The following MSRA variants were observed in gnomAD, a reference collection of about 807,000 sequenced individuals.
MSRA encodes mitochondrial peptide methionine sulfoxide reductase.
In MSRA, 54 loss-of-function variants were observed where a neutral mutation model predicts 31.3. That is an observed-to-expected ratio of 1.73 (90% confidence interval 1.39 to 2.17). The LOEUF (loss-of-function observed/expected upper bound fraction) is 2.17, where lower values mean the gene tolerates loss of function less well. Ranked by LOEUF, MSRA falls within the 30% of genes most tolerant of loss-of-function variation. The pLI is 0.00. For synonymous variants in MSRA, 169 were observed against 116.5 expected, an observed-to-expected ratio of 1.45 and a Z score of -2.90; for missense variants, 507 against 300.9, an observed-to-expected ratio of 1.69 and a Z score of -5.07.
chr8:10,057,550 T>C (rs1802449588), intron 1 of MSRA, among the ~76,000 whole-genome samples: 1 of 152,198 alleles, frequency 6.6e-6, no homozygotes, highest in Non-Finnish European at 1.5e-5. Context: ...TTTGGTTTTG[T>C]GTCCTCACGT....
intron 1 of MSRA, among the ~76,000 whole-genome samples, chr8:10,128,640 A>G (rs894511577): frequency 6.6e-6 from 1 of 152,166 alleles, no homozygotes; most frequent in South Asian, 2.1e-4. Context: ...TGTGCACTTC[A>G]TGAGGGTGAT....
intron 1 of MSRA, among the ~76,000 whole-genome samples, chr8:10,190,183 T>C (rs1420952393): frequency 2.0e-5 from 3 of 152,152 alleles, no homozygotes; most frequent in Non-Finnish European, 2.9e-5. Context: ...AGGAAGTCTC[T>C]CTTGCCATTT....
intron 5 of MSRA, among the ~76,000 whole-genome samples, chr8:10,334,444 G>A (rs1215738581): frequency 2.0e-5 from 3 of 151,974 alleles, no homozygotes; most frequent in African/African-American, 4.8e-5. Context: ...GGGCGGGGGG[G>A]AGGTGCAGGG....
intron 5 of MSRA, among the ~76,000 whole-genome samples, chr8:10,341,263 A>G (rs56028519): frequency 0.18 from 26,697 of 152,190 alleles, 3,157 homozygotes; most frequent in Non-Finnish European, 0.26. Context: ...CTCGGCTCCT[A>G]GGGAGGCCTC....
chr8:10,398,933 A>G (rs1052724417), intron 5 of MSRA, among the ~76,000 whole-genome samples: 13 of 152,330 alleles, frequency 8.5e-5, no homozygotes, highest in African/African-American at 2.6e-4. Flanking sequence ...AGAAGCCCCT[A>G]TCGAGAGAGG....
intron 1 of MSRA, among the ~76,000 whole-genome samples, chr8:10,056,198 CAAAAAAA>C (rs35457688): frequency 1.1e-5 from 1 of 91,018 alleles, no homozygotes; most frequent in East Asian, 3.4e-4. Flanking sequence ...TCCCATACAC[CAAAAAAA>C]AAAAAAAAAA....
intron 1 of MSRA, among the ~76,000 whole-genome samples, chr8:10,125,198 G>A (rs1801411800): frequency 1.3e-5 from 2 of 152,160 alleles, no homozygotes; most frequent in South Asian, 4.1e-4. Context: ...TGGGGAGTAG[G>A]GGACAACTTT....
intron 1 of MSRA, among the ~76,000 whole-genome samples, chr8:10,118,604 C>T (rs879716547): frequency 6.6e-5 from 10 of 152,154 alleles, no homozygotes; most frequent in African/African-American, 1.7e-4. Flanking sequence ...TCTCCCACCG[C>T]TCCGCCCACA....
At chr8:10,136,921 C>T (rs139990486) in intron 1 of MSRA, among the ~76,000 whole-genome samples, 8 of 152,346 alleles carry the variant, frequency 5.3e-5, no homozygotes, top group Admixed American at 6.5e-5. Context: ...CCAGCATGGA[C>T]GGCAAATAGT....
chr8:10,088,830 C>T (rs1156650157), intron 1 of MSRA, among the ~76,000 whole-genome samples: 1 of 152,098 alleles, frequency 6.6e-6, no homozygotes, highest in African/African-American at 2.4e-5. Context: ...TGCCATTTGC[C>T]ACAGCACGGA....
At chr8:10,311,246 A>G (rs368507111) in intron 4 of MSRA, among the ~76,000 whole-genome samples, 2 of 152,230 alleles carry the variant, frequency 1.3e-5, no homozygotes, top group African/African-American at 4.8e-5. Flanking sequence ...TATATAAAGC[A>G]TCACATCAAA....
At chr8:10,233,348 A>C (rs1811655119) in intron 2 of MSRA, among the ~76,000 whole-genome samples, 2 of 152,396 alleles carry the variant, frequency 1.3e-5, no homozygotes, top group East Asian at 3.8e-4. Context: ...AAGAATATGA[A>C]TAATGCAAAG....
chr8:10,186,019 C>T (rs187447545), intron 1 of MSRA, among the ~76,000 whole-genome samples: 3 of 152,206 alleles, frequency 2.0e-5, no homozygotes, highest in Non-Finnish European at 4.4e-5. Flanking sequence ...GTCCCCTGAC[C>T]ATGGCACTTT....
chr8:10,280,639 A>T (rs1025144631), intron 3 of MSRA, among the ~76,000 whole-genome samples: 3 of 152,242 alleles, frequency 2.0e-5, no homozygotes, highest in African/African-American at 4.8e-5. Context: ...ACATAGGGTT[A>T]GTCTATGACT....
chr8:10,262,192 G>A (rs1377153932), intron 3 of MSRA, among the ~76,000 whole-genome samples: 3 of 152,200 alleles, frequency 2.0e-5, no homozygotes, highest in African/African-American at 7.2e-5. Context: ...TAACGTTTGT[G>A]TACAGGTTTT....
chr8:10,174,362 G>A (rs1408676276), intron 1 of MSRA, among the ~76,000 whole-genome samples: 2 of 152,124 alleles, frequency 1.3e-5, no homozygotes, highest in African/African-American at 2.4e-5. Context: ...GCTAGGGGTG[G>A]ACTCGGGATG....
At chr8:10,220,869 AG>A (rs1167060094) in intron 2 of MSRA, among the ~76,000 whole-genome samples, 2 of 152,192 alleles carry the variant, frequency 1.3e-5, no homozygotes, top group Non-Finnish European at 2.9e-5. Flanking sequence ...TTAAGGGAGG[AG>A]GACTGGGGAG....
At chr8:10,153,603 A>T (rs924275166) in intron 1 of MSRA, among the ~76,000 whole-genome samples, 1 of 152,112 alleles carries the variant, frequency 6.6e-6, no homozygotes, top group African/African-American at 2.4e-5. Context: ...GGTGGCAGTT[A>T]GGGATATTGA....
At chr8:10,122,153 T>A (rs944224883) in intron 1 of MSRA, among the ~76,000 whole-genome samples, 2 of 152,100 alleles carry the variant, frequency 1.3e-5, no homozygotes, top group Non-Finnish European at 2.9e-5. Flanking sequence ...GCTGGTGTTG[T>A]TGTAACCAAG....
Sources: allele counts gnomAD v4.1 joint callset (sites outside exome capture counted in the v4.1 genomes callset), GRCh38; gene constraint gnomAD v4.1.1; transcripts MANE v1.5; gene names NCBI Gene and HGNC (gene_info 2026-07-23, HGNC 2026-07-21).